ZC3H3: variants seen among roughly 807,000 people sequenced by gnomAD.
ZC3H3 encodes the protein zinc finger CCCH-type containing 3, also known as zinc finger CCCH domain-containing protein 3.
In ZC3H3, 36 loss-of-function variants were observed where a neutral mutation model predicts 77.3. The observed-to-expected ratio is 0.47, with a 90% CI of 0.36 to 0.61. ZC3H3 has a LOEUF of 0.61. Among genes scored for constraint, ZC3H3 ranks in the 20% least tolerant of loss-of-function variants. The probability of loss-of-function intolerance (pLI) is 0.00; values close to 1 mark genes in which losing one functional copy is unlikely to be tolerated. For synonymous variants in ZC3H3, 626 were observed against 555.2 expected (o/e 1.13, Z -1.79); for missense variants, 1,331 against 1,312.2 (o/e 1.01, Z -0.22).
At chr8:143,525,066 A>T (rs1381493831) in intron 3 of ZC3H3, among the ~76,000 whole-genome samples, 1 of 152,260 alleles carries the variant, frequency 6.6e-6, no homozygotes, top group African/African-American at 2.4e-5. Context: ...ACCTCCCTTG[A>T]AATGCCATCT....
chr8:143,446,471 T>A (rs1474975454), intron 9 of ZC3H3, among the ~76,000 whole-genome samples: 1 of 152,118 alleles, frequency 6.6e-6, no homozygotes, highest in Non-Finnish European at 1.5e-5. Context: ...TCTGAGTCAG[T>A]AAGAATCAAA....
intron 3 of ZC3H3, among the ~76,000 whole-genome samples, chr8:143,520,239 G>C (rs1350228188): frequency 6.6e-6 from 1 of 152,260 alleles, no homozygotes; most frequent in Non-Finnish European, 1.5e-5. Flanking sequence ...ACAAAGAAGA[G>C]GCTGAGAGCT....
At chr8:143,474,606 C>T (rs973799458) in intron 5 of ZC3H3, among the ~76,000 whole-genome samples, 1 of 152,222 alleles carries the variant, frequency 6.6e-6, no homozygotes, top group African/African-American at 2.4e-5. Flanking sequence ...CAGACCCTGC[C>T]GTCGGAGTCT....
chr8:143,456,246 G>A (rs1209899774), intron 9 of ZC3H3, among the ~76,000 whole-genome samples: 2 of 151,642 alleles, frequency 1.3e-5, no homozygotes, highest in Non-Finnish European at 2.9e-5. Context: ...AAACCCACAG[G>A]GAAAAAAAGA....
At chr8:143,472,413 C>G (rs576668905) in intron 5 of ZC3H3, among the ~76,000 whole-genome samples, 2 of 152,220 alleles carry the variant, frequency 1.3e-5, no homozygotes, top group African/African-American at 4.8e-5. Flanking sequence ...CGAGATTCTG[C>G]GGAGCTCAGC....
chr8:143,483,299 C>T lies in ZC3H3; in HGVS notation c.1716-7714G>A, dbSNP rs550895290. On this transcript the variant is annotated intron_variant, in intron 4 of 11. Transcript: ENST00000262577. ...GGGCGAGCATGCATGTGTGTCCATG[C>T]GTGTGCGCGTGTGGGGCTGGCTGGA... 1.5e-3 allele frequency among the ~76,000 whole-genome samples: 225 copies of T among 152,314 alleles called. 1 individual carries two copies. The highest frequency in any genetic ancestry group is 3.4e-3 in the Middle Eastern group (1 of 294).
At position 143,484,668 on chromosome 8, in the gene ZC3H3, G is replaced by A. The variant is rs949287455; in HGVS notation, c.1716-9083C>T. The A allele has an allele frequency of 3.7e-5, 7 of 188,602 alleles. No individual in the cohort carries two copies. The East Asian group carries it at 8.4e-4, about 23-fold the overall frequency. 11.7% of individuals were successfully genotyped at this position (188,602 alleles called of 1,614,324 possible). A position where few individuals can be genotyped will look rare whatever the true frequency, so the allele number is the denominator to read the frequency against. The stretch of plus-strand genomic sequence containing the variant: ...AGGTGCAGCTGTCCTTGGCGGGCCC[G>A]CGACCCTCTGCACCTGTGCCACCCT... On this transcript the variant is annotated intron_variant, in intron 4 of 11. Coordinates refer to ENST00000262577, the MANE Select transcript of ZC3H3 (RefSeq NM_015117.3).
At chr8:143,477,334 C>G (rs1820764419) in intron 4 of ZC3H3, among the ~76,000 whole-genome samples, 1 of 152,178 alleles carries the variant, frequency 6.6e-6, no homozygotes, top group Non-Finnish European at 1.5e-5. Context: ...CACCAAGGGG[C>G]CTGGCAGTGC....
At chr8:143,465,906 C>A in intron 8 of ZC3H3, 58 bp from the exon 9 acceptor site, 1 of 1,567,060 alleles carries the variant, frequency 6.4e-7, no homozygotes. Flanking sequence ...GGCCCAGAGA[C>A]GGTGGCTGGG....
At chr8:143,481,123 T>G (rs1820896419) in intron 4 of ZC3H3, among the ~76,000 whole-genome samples, 1 of 152,094 alleles carries the variant, frequency 6.6e-6, no homozygotes. Context: ...AGGCCTTGGG[T>G]CATGTGGCCA....
chr8:143,478,965 G>A (rs907864297), intron 4 of ZC3H3, among the ~76,000 whole-genome samples: 2 of 152,220 alleles, frequency 1.3e-5, no homozygotes, highest in Admixed American at 1.3e-4. Flanking sequence ...AGCCGTCCCG[G>A]GATCTGCGCC....
chr8:143,456,213 C>A (rs1563837647), intron 9 of ZC3H3, among the ~76,000 whole-genome samples: 1 of 151,668 alleles, frequency 6.6e-6, no homozygotes. Flanking sequence ...GTTCAAGTAA[C>A]CCATAGGAAG....
intron 3 of ZC3H3, among the ~76,000 whole-genome samples, chr8:143,519,348 G>T (rs1203685562): frequency 1.3e-5 from 2 of 152,206 alleles, no homozygotes; most frequent in Non-Finnish European, 2.9e-5. Context: ...AACCACCGGG[G>T]CCAGTGCCAG....
chr8:143,461,792 T>C (rs1020430761), intron 9 of ZC3H3, among the ~76,000 whole-genome samples: 1 of 145,052 alleles, frequency 6.9e-6, no homozygotes, highest in Non-Finnish European at 1.5e-5. Context: ...GAGACAGAAG[T>C]GGATGAGTGT....
chr8:143,481,268 C>T (rs542463690), intron 4 of ZC3H3, among the ~76,000 whole-genome samples: 1 of 152,306 alleles, frequency 6.6e-6, no homozygotes, highest in Admixed American at 6.5e-5. Flanking sequence ...CACAGTGGGG[C>T]CAGAGACCCT....
intron 4 of ZC3H3, among the ~76,000 whole-genome samples, chr8:143,496,348 G>A (rs1016751364): frequency 7.9e-5 from 12 of 152,172 alleles, no homozygotes; most frequent in Non-Finnish European, 1.3e-4. Flanking sequence ...CCAAGGAGCC[G>A]GGGTTCTGCA....
chr8:143,532,920 A>G (rs1822664937), intron 3 of ZC3H3, among the ~76,000 whole-genome samples: 1 of 152,192 alleles, frequency 6.6e-6, no homozygotes, highest in African/African-American at 2.4e-5. Flanking sequence ...TGACCAGGCC[A>G]GGACGCAGGC....
rs1821273808 is a variant in ZC3H3, at chr8:143,493,931, A to G, written c.1715+13815T>C. On this transcript the variant is annotated intron_variant, in intron 4 of 11. Coordinates refer to ENST00000262577, the MANE Select transcript of ZC3H3 (RefSeq NM_015117.3). This position sits in a 1 kb window ranked among gnomAD's most constrained non-coding sequence, Gnocchi z 4.8. ...GTCACTAAGCTCCCTGTCCTGTTTC[A>G]TAAAATAAAAAATTATAAAAATGAG... Among the ~76,000 whole-genome samples the G allele has an allele frequency of 6.6e-6, 1 of 152,264 alleles. No individual in the cohort carries two copies. The highest frequency in any genetic ancestry group is 1.5e-5 in the Non-Finnish European group (1 of 68,046).
chr8:143,529,498 C>A lies in ZC3H3; in HGVS notation c.1561+6759G>T, dbSNP rs34933816. ...CAAGGACACAGGAGGGCCCCAGGGA[C>A]CTCTGAGGACTCAGAGAGGTCACAT... On this transcript the variant is annotated intron_variant, in intron 3 of 11. Transcript: ENST00000262577. Among the ~76,000 whole-genome samples the A allele has an allele frequency of 8.4e-3, 1,282 of 152,316 alleles. 9 individuals carry two copies. Among genetic ancestry groups the A allele is most frequent in the African/African-American group, 0.029 (1,214 of 41,560 alleles).
Sources: gnomAD v4.1 joint callset for allele counts (sites outside exome capture counted in the v4.1 genomes callset) on GRCh38, gnomAD v4.1.1 for gene constraint, Gnocchi (gnomAD v3.1) non-coding constraint, MANE v1.5 for transcripts, NCBI Gene and HGNC (gene_info 2026-07-23, HGNC 2026-07-21) for gene names.